The following PTPRN2 variants were observed in gnomAD, a reference collection of about 807,000 sequenced individuals.
PTPRN2 encodes the protein protein tyrosine phosphatase receptor type N2.
Under a neutral mutation model 118.8 loss-of-function variants are expected in PTPRN2, and 74 were observed. The observed-to-expected ratio is 0.62, with a 90% CI of 0.52 to 0.76. The LOEUF (loss-of-function observed/expected upper bound fraction) is 0.76. Ranked by LOEUF, PTPRN2 falls within the 30% of genes least tolerant of loss-of-function variation. PTPRN2 has a pLI of 0.00. For missense variants in PTPRN2, 1,481 were observed against 1,394.4 expected (o/e 1.06, Z -0.99); for synonymous variants, 641 against 608.0 (o/e 1.05, Z -0.80).
chr7:157,607,641 C>T (rs1354138270), intron 15 of PTPRN2, among the ~76,000 whole-genome samples: 1 of 152,200 alleles, frequency 6.6e-6, no homozygotes, highest in Non-Finnish European at 1.5e-5. Flanking sequence ...ATCAGGGCAG[C>T]GTGCTGGGAG....
chr7:157,561,553 C>G (rs1285755594), intron 21 of PTPRN2, among the ~76,000 whole-genome samples: 2 of 152,270 alleles, frequency 1.3e-5, no homozygotes, highest in African/African-American at 2.4e-5. Flanking sequence ...GCAGACTGAG[C>G]AGGGTTCTGC....
chr7:158,100,247 GTGT>G (rs1563434427), intron 10 of PTPRN2, among the ~76,000 whole-genome samples: 754 of 29,070 alleles, frequency 0.026, 4 homozygotes, highest in African/African-American at 0.1. Context: ...TCCATGGGGT[GTGT>G]GTGTGTGTGT....
chr7:157,913,882 G>A (rs1018678838), intron 11 of PTPRN2, among the ~76,000 whole-genome samples: 1 of 152,098 alleles, frequency 6.6e-6, no homozygotes, highest in African/African-American at 2.4e-5. Context: ...TTGTGTATGA[G>A]TGCATGTGTT....
chr7:158,414,472 ACT>A (rs1184016055), intron 2 of PTPRN2, among the ~76,000 whole-genome samples: 1 of 121,240 alleles, frequency 8.2e-6, no homozygotes, highest in Non-Finnish European at 2.0e-5. Flanking sequence ...ACCAGATTTC[ACT>A]ACAGTAATTG....
intron 11 of PTPRN2, among the ~76,000 whole-genome samples, chr7:158,034,430 G>C (rs112346887): frequency 1.2e-4 from 18 of 152,308 alleles, no homozygotes; most frequent in Admixed American, 1.2e-3. Flanking sequence ...CATGCTGTTC[G>C]TGTGATAGTG....
intron 3 of PTPRN2, among the ~76,000 whole-genome samples, chr7:158,296,905 C>T (rs569754270): frequency 1.4e-4 from 21 of 152,324 alleles, no homozygotes; most frequent in African/African-American, 5.1e-4. Context: ...GGGAAGACCA[C>T]AGGTGGACAC....
intron 14 of PTPRN2, among the ~76,000 whole-genome samples, chr7:157,634,122 G>A (rs1231911252): frequency 6.6e-6 from 1 of 151,896 alleles, no homozygotes; most frequent in African/African-American, 2.4e-5. Context: ...CATCTGACCT[G>A]CCCTTCCTCA....
intron 11 of PTPRN2, among the ~76,000 whole-genome samples, chr7:158,042,081 G>T (rs1382206818): frequency 6.6e-6 from 1 of 152,190 alleles, no homozygotes; most frequent in Non-Finnish European, 1.5e-5. Flanking sequence ...TCGTGCGGCT[G>T]GACACGCACT....
At chr7:158,579,341 C>A (rs1204554215) in intron 1 of PTPRN2, among the ~76,000 whole-genome samples, 1 of 152,192 alleles carries the variant, frequency 6.6e-6, no homozygotes, top group Non-Finnish European at 1.5e-5. Flanking sequence ...ATATTCCATC[C>A]TGTCAGCCAC....
At chr7:157,811,457 T>C (rs561043614) in intron 12 of PTPRN2, among the ~76,000 whole-genome samples, 3 of 151,900 alleles carry the variant, frequency 2.0e-5, no homozygotes, top group Non-Finnish European at 4.4e-5. Context: ...GGCACAGTGC[T>C]GTGTACCTGA....
rs373575653 is a variant in PTPRN2 at position 157,753,974 on chromosome 7, A to C, written c.1789-71037T>G. On this transcript the variant is annotated intron_variant, in intron 12 of 22. Coordinates refer to ENST00000389418, the MANE Select transcript of PTPRN2 (RefSeq NM_002847.5). ...TCCCTCCTCATCCTGGCACCAGCTGACCCCATCCTTGGGAGGCCTTGGTCT... is the reference window on the plus strand; with the variant it reads ...TCCCTCCTCATCCTGGCACCAGCTGCCCCCATCCTTGGGAGGCCTTGGTCT... Among the ~76,000 whole-genome samples, 5 of 152,216 alleles carry C rather than the reference A, an allele frequency of 3.3e-5. No individual in the cohort carries two copies. In the South Asian group the frequency reaches 1.0e-3, roughly 32 times the overall value.
chr7:158,146,923 C>T (rs1386172019), intron 6 of PTPRN2, among the ~76,000 whole-genome samples: 5 of 151,512 alleles, frequency 3.3e-5, no homozygotes, highest in African/African-American at 1.2e-4. Context: ...TGAATGACAC[C>T]CCATCTCACG....
chr7:157,762,896 C>A (rs1007118868), intron 12 of PTPRN2, among the ~76,000 whole-genome samples: 1 of 152,246 alleles, frequency 6.6e-6, no homozygotes, highest in Non-Finnish European at 1.5e-5. Context: ...CAGCCACAAT[C>A]CAGCCCCGCC....
intron 3 of PTPRN2, among the ~76,000 whole-genome samples, chr7:158,242,959 AAAAC>A (rs1795981745): frequency 6.6e-6 from 1 of 152,216 alleles, no homozygotes. Flanking sequence ...TCTTTTCAAC[AAAAC>A]AACTCCCAAT....
intron 2 of PTPRN2, among the ~76,000 whole-genome samples, chr7:158,395,291 TGAGGGGTGAGGGGC>T (rs1224002581): frequency 1.6e-4 from 8 of 48,828 alleles, no homozygotes; most frequent in African/African-American, 5.0e-4. Context: ...AAGTGAGGGG[TGAGGGGTGAGGGGC>T]GAGGGGTGAG....
intron 2 of PTPRN2, 120 bp downstream of exon 2, chr7:158,489,615 G>T: frequency 1.9e-6 from 2 of 1,046,470 alleles, no homozygotes; most frequent in Non-Finnish European, 2.6e-6. Context: ...CCTCCTCTCG[G>T]CAGCGCGCCC....
intron 4 of PTPRN2, among the ~76,000 whole-genome samples, chr7:158,201,216 G>A (rs911028436): frequency 9.2e-5 from 14 of 151,952 alleles, no homozygotes; most frequent in South Asian, 4.1e-4. Context: ...GAAAACGTAC[G>A]TTTACAATGC....
intron 12 of PTPRN2, among the ~76,000 whole-genome samples, chr7:157,725,977 G>C (rs71544503): frequency 2.0e-5 from 2 of 102,020 alleles, no homozygotes; most frequent in Admixed American, 9.9e-5. Context: ...ATGCAGAGGA[G>C]TGAGCCAGAC....
rs1005383273 is a variant in PTPRN2 at position 157,694,752 on chromosome 7, A to C, written c.1789-11815T>G. ...AATTTGAAGAATGAATAATGATGTGAGGATTTTTTCTTTTTTCTTTTTTTT... is the reference window on the plus strand; with the variant it reads ...AATTTGAAGAATGAATAATGATGTGCGGATTTTTTCTTTTTTCTTTTTTTT... On this transcript the variant is annotated intron_variant, in intron 12 of 22. Transcript: ENST00000389418. Among the ~76,000 whole-genome samples the C allele has an allele frequency of 2.6e-5, 4 of 151,256 alleles. No homozygotes were observed. The South Asian group carries it at 8.3e-4, about 32-fold the overall frequency.
Sources: gnomAD v4.1 joint callset for allele counts (sites outside exome capture counted in the v4.1 genomes callset) on GRCh38, gnomAD v4.1.1 for gene constraint, MANE v1.5 for transcripts, NCBI Gene and HGNC (gene_info 2026-07-23, HGNC 2026-07-21) for gene names.